The following PLCH1 variants were observed in gnomAD, a reference collection of about 807,000 sequenced individuals.
The protein encoded by PLCH1 is 1-phosphatidylinositol 4,5-bisphosphate phosphodiesterase eta-1.
In PLCH1, 60 loss-of-function variants were observed where a neutral mutation model predicts 126.7. The ratio of observed to expected loss-of-function variants is 0.47; its 90% CI spans 0.38 to 0.59. PLCH1 has a LOEUF of 0.59. PLCH1 is among the 20% of genes least tolerant of loss of function. The probability of loss-of-function intolerance (pLI) is 0.00; values close to 1 mark genes in which losing one functional copy is unlikely to be tolerated. For missense variants in PLCH1, 1,723 were observed against 2,040.0 expected (o/e 0.84, Z 2.99); for synonymous variants, 719 against 734.9 (o/e 0.98, Z 0.35).
intron 2 of PLCH1, among the ~76,000 whole-genome samples, chr3:155,669,596 T>A (rs1743190021): frequency 6.6e-6 from 1 of 152,200 alleles, no homozygotes; most frequent in Non-Finnish European, 1.5e-5. Context: ...TTTTCTTAGT[T>A]AATTTTCTGG....
chr3:155,727,298 C>A (rs1175937422), intron 1 of PLCH1, among the ~76,000 whole-genome samples: 1 of 151,060 alleles, frequency 6.6e-6, no homozygotes, highest in Admixed American at 6.6e-5. Flanking sequence ...GGCAGAAATT[C>A]TCTGTAGTCT....
At chr3:155,690,764 T>C (rs1745319398) in intron 2 of PLCH1, among the ~76,000 whole-genome samples, 1 of 152,202 alleles carries the variant, frequency 6.6e-6, no homozygotes, top group Admixed American at 6.5e-5. Flanking sequence ...CCTTGGAGAA[T>C]AGGACAAATT....
At chr3:155,617,725 T>G (rs1027597139) in intron 2 of PLCH1, among the ~76,000 whole-genome samples, 1 of 152,204 alleles carries the variant, frequency 6.6e-6, no homozygotes, top group African/African-American at 2.4e-5. Context: ...GGCATTCTTT[T>G]AAATAGAAAC....
chr3:155,703,749 A>C (rs1746446149), intron 2 of PLCH1, among the ~76,000 whole-genome samples: 1 of 152,196 alleles, frequency 6.6e-6, no homozygotes, highest in Non-Finnish European at 1.5e-5. Context: ...TAACATCTCA[A>C]TTTGGAAGGC....
chr3:155,706,305 T>A (rs972247927), intron 1 of PLCH1, among the ~76,000 whole-genome samples: 1 of 143,564 alleles, frequency 7.0e-6, no homozygotes, highest in South Asian at 2.2e-4. Context: ...GGCCAATTGG[T>A]GAAACCGTGT....
chr3:155,536,308 G>T (rs990485236), intron 10 of PLCH1, among the ~76,000 whole-genome samples: 10 of 152,068 alleles, frequency 6.6e-5, no homozygotes, highest in Non-Finnish European at 1.3e-4. Context: ...ACCAAGAAAG[G>T]ATCCAAACCA....
intron 2 of PLCH1, among the ~76,000 whole-genome samples, chr3:155,618,160 G>A (rs1281978466): frequency 6.6e-6 from 1 of 152,180 alleles, no homozygotes; most frequent in African/African-American, 2.4e-5. Context: ...GGATAAAAAT[G>A]AGAGAATGGA....
chr3:155,514,581 G>A, intron 12 of PLCH1, 142 bp downstream of exon 12: 1 of 519,298 alleles, frequency 1.9e-6, no homozygotes, highest in East Asian at 3.2e-5. Flanking sequence ...ATATCATTTT[G>A]CAATAAGAGA....
intron 6 of PLCH1, among the ~76,000 whole-genome samples, chr3:155,579,634 T>C (rs1255955578): frequency 6.6e-6 from 1 of 152,182 alleles, no homozygotes; most frequent in East Asian, 1.9e-4. Flanking sequence ...AAACACATTA[T>C]CAGAAAACAT....
intron 2 of PLCH1, among the ~76,000 whole-genome samples, chr3:155,628,640 C>G (rs1371497879): frequency 1.3e-5 from 2 of 150,774 alleles, no homozygotes; most frequent in South Asian, 4.2e-4. Context: ...AATTTGTATG[C>G]TTTTCTCTTG....
chr3:155,582,611 C>T (rs1315469831), intron 6 of PLCH1, among the ~76,000 whole-genome samples: 1 of 152,058 alleles, frequency 6.6e-6, no homozygotes, highest in Non-Finnish European at 1.5e-5. Context: ...ACAATTTCAA[C>T]AGAGCTAAAT....
At chr3:155,627,925 G>T (rs998065978) in intron 2 of PLCH1, among the ~76,000 whole-genome samples, 2 of 151,580 alleles carry the variant, frequency 1.3e-5, no homozygotes, top group African/African-American at 4.8e-5. Flanking sequence ...CCACCACCAC[G>T]CCTGGCTAAT....
chr3:155,570,947 C>T (rs1021199642), intron 6 of PLCH1, among the ~76,000 whole-genome samples: 1 of 151,982 alleles, frequency 6.6e-6, no homozygotes, highest in Non-Finnish European at 1.5e-5. Flanking sequence ...TTCTCTTTTC[C>T]TTTATTTACT....
intron 2 of PLCH1, among the ~76,000 whole-genome samples, chr3:155,653,218 T>C (rs1381060351): frequency 2.6e-5 from 4 of 152,120 alleles, no homozygotes; most frequent in Non-Finnish European, 2.9e-5. Context: ...GCAGTCTCAC[T>C]GTGTTGCCCA....
In PLCH1 at chr3:155,586,182, C is replaced by G. The variant is rs781624103; in HGVS notation, c.483G>C (p.Gln161His). The G allele has an allele frequency of 4.3e-6, 7 of 1,614,122 alleles. No homozygotes were observed. Among genetic ancestry groups the G allele is most frequent in the Non-Finnish European group, 5.9e-6 (7 of 1,179,996 alleles). The change falls in exon 5 of 23, where the codon CAG becomes CAC. Residue 161 changes from glutamine to histidine, a missense_variant. Coordinates refer to ENST00000460012, the MANE Select transcript of PLCH1 (RefSeq NM_014996.4). ...CATTCTTATCAGCTTCCTCAAAGGT[C>G]TGCTTCACCCATGTGCAGAAAGGTC... ...RQRTHDQWVKQTFEEADKNGD... is the reference protein window; with the variant it reads ...RQRTHDQWVKHTFEEADKNGD...
intron 2 of PLCH1, among the ~76,000 whole-genome samples, chr3:155,683,912 G>A (rs1291946142): frequency 2.0e-5 from 3 of 152,168 alleles, no homozygotes; most frequent in African/African-American, 4.8e-5. Flanking sequence ...GACTAGAGTG[G>A]AAATGTCCAG....
At position 155,549,824 on chromosome 3, in the gene PLCH1, G is replaced by A. The variant is rs1725866226; in HGVS notation, c.1325C>T (p.Pro442Leu). Residue 442 changes from proline (P) to leucine (L), a missense_variant, in exon 10 of 23, where the codon CCA (proline) becomes CTA (leucine). Around this residue, in one of 2 missense-constraint regions of PLCH1, gnomAD observed 776 missense variants for 1,062.9 expected, o/e 0.73. Transcript: ENST00000460012. ...SVDTGECKQL[P>L]SPQSLKGKIL... is the part of the protein sequence containing the mutation. The stretch of plus-strand genomic sequence containing the variant: ...TTTGCCTTTCAAACTTTGAGGGCTT[G>A]GAAGCTGCTTGCACTCCCCTGTATC... 1.2e-6 allele frequency: 2 copies of A among 1,613,528 alleles called. No homozygotes were observed. The highest frequency in any genetic ancestry group is 2.7e-5 in the African/African-American group (2 of 74,890).
In PLCH1 at chr3:155,494,529, T is replaced by C. The variant is rs1716722989; in HGVS notation, c.1895-12A>G. 1 of 1,498,370 alleles carries C rather than the reference T, an allele frequency of 6.7e-7. No homozygotes were observed. Among genetic ancestry groups the C allele is most frequent in the African/African-American group, 2.6e-5 (1 of 38,290 alleles). 92.8% of individuals were successfully genotyped at this position (1,498,370 alleles called of 1,614,324 possible). On this transcript the variant is annotated splice_polypyrimidine_tract_variant and intron_variant, in intron 15 of 22. Coordinates refer to ENST00000460012, the MANE Select transcript of PLCH1 (RefSeq NM_014996.4). ...ATTTCCTGTGGTTCCTGGCAGTTTT[T>C]AATCGAGAAAAAAGGAAGTGAGAAC... is the stretch of plus-strand genomic sequence containing the variant.
At chr3:155,669,967 A>C (rs953534484) in intron 2 of PLCH1, among the ~76,000 whole-genome samples, 7 of 152,242 alleles carry the variant, frequency 4.6e-5, no homozygotes, top group African/African-American at 1.7e-4. Context: ...GCATGTATGT[A>C]CTACATGTAC....
Sources: gnomAD v4.1 joint callset for allele counts (sites outside exome capture counted in the v4.1 genomes callset) on GRCh38, gnomAD v4.1.1 for gene constraint, gnomAD v4.1.1 regional missense constraint, MANE v1.5 for transcripts, NCBI Gene and HGNC (gene_info 2026-07-23, HGNC 2026-07-21) for gene names.